The following GREB1 variants were observed in gnomAD, a reference collection of about 807,000 sequenced individuals.
The protein encoded by GREB1 is growth regulating estrogen receptor binding 1.
GREB1 carries 106 observed loss-of-function variants against 200.7 expected under a neutral mutation model. The observed-to-expected ratio is 0.53, with a 90% CI of 0.45 to 0.62. The LOEUF is 0.62. Among genes scored for constraint, GREB1 ranks in the 20% least tolerant of loss-of-function variants. The probability of loss-of-function intolerance (pLI) is 0.00; values close to 1 mark genes in which losing one functional copy is unlikely to be tolerated. For missense variants in GREB1, 2,243 were observed against 2,556.8 expected (o/e 0.88, Z 2.65); for synonymous variants, 1,132 against 1,092.4 (o/e 1.04, Z -0.72).
At chr2:11,566,194 T>A (rs1470603891) in intron 3 of GREB1, among the ~76,000 whole-genome samples, 4 of 152,102 alleles carry the variant, frequency 2.6e-5, no homozygotes, top group Admixed American at 2.0e-4. Context: ...AATTTTTGTA[T>A]TTTTAGTAGA....
intron 30 of GREB1, 44 bp from the exon 31 acceptor site, chr2:11,637,672 G>T: frequency 6.3e-7 from 1 of 1,588,250 alleles, no homozygotes; most frequent in Non-Finnish European, 8.6e-7. Context: ...GAAGGTCCTC[G>T]CCCCTCAGGG....
At chr2:11,588,669 C>G (rs13424731) in intron 9 of GREB1, 77 bp from the exon 10 acceptor site, 1 of 1,327,056 alleles carries the variant, frequency 7.5e-7, no homozygotes, top group Non-Finnish European at 1.1e-6. Context: ...AGTGCCCTCA[C>G]CCCCAGAGAA....
chr2:11,575,925 A>G (rs2148031556), intron 4 of GREB1, among the ~76,000 whole-genome samples: 1 of 152,316 alleles, frequency 6.6e-6, no homozygotes, highest in Middle Eastern at 3.4e-3. Flanking sequence ...AAATCTTCCA[A>G]GTTTGCCCAG....
chr2:11,640,161 C>G lies in GREB1; in HGVS notation c.5687-130C>G. ...CATCATCCCGAAAGAAGCAAGGGGC[C>G]GACTTGGATGCCGCTTCTGCCCTTC... On this transcript the variant is annotated intron_variant, in intron 32 of 32. Transcript: ENST00000381486. The surrounding 1 kb of genome is among the most constrained non-coding windows in gnomAD (Gnocchi z 4.6). The G allele has an allele frequency of 1.3e-6, 1 of 774,292 alleles. No individual in the cohort carries two copies. Among genetic ancestry groups the G allele is most frequent in the South Asian group, 1.9e-5 (1 of 52,716 alleles). 48.0% of individuals were successfully genotyped at this position (774,292 alleles called of 1,614,324 possible). A position where few individuals can be genotyped will look rare whatever the true frequency, so the allele number is the denominator to read the frequency against.
Position 11,610,689 on chromosome 2 carries a change from T to A in GREB1, c.2668T>A (p.Phe890Ile). The change falls in exon 18 of 33, where the codon TTC becomes ATC. Residue 890 changes from phenylalanine (F) to isoleucine (I), a missense_variant and splice_region_variant. Physicochemically the swap from Phe to Ile is conservative, Grantham distance 21. Transcript: ENST00000381486. ...ATGGTCTCTCTGTGTTCCTTGCAGGTTCCCCCGCCTGCACAGCGCGGTGAT... is the reference window on the plus strand; with the variant it reads ...ATGGTCTCTCTGTGTTCCTTGCAGGATCCCCCGCCTGCACAGCGCGGTGAT... Reference protein sequence around the residue: ...EAMVTALGKRFPRLHSAVIRT... With the variant: ...EAMVTALGKRIPRLHSAVIRT... The A allele has an allele frequency of 6.2e-7, 1 of 1,606,728 alleles. No homozygotes were observed. The highest frequency in any genetic ancestry group is 8.5e-7 in the Non-Finnish European group (1 of 1,175,922).
rs1205524139 is a variant in GREB1 at position 11,630,061 on chromosome 2, A to C, written c.4563A>C (p.Gln1521His). The change falls in exon 26 of 33, where the codon CAA becomes CAC. Residue 1521 changes from glutamine to histidine, a missense_variant. Gln to His is a conservative substitution (Grantham distance 24). This residue lies in a region of GREB1 where 478 missense variants were observed against 616.3 expected (regional missense o/e 0.78). Coordinates refer to ENST00000381486, the MANE Select transcript of GREB1 (RefSeq NM_014668.4). ...KSKEHHFVFS[Q>H]PGGQLESMRL... is the part of the protein sequence containing the mutation. ...AGGAGCACCACTTTGTCTTCAGCCA[A>C]CCTGGAGGCCAGCTGGAGAGCATGC... 6.2e-7 allele frequency: 1 copy of C among 1,614,176 alleles called. No homozygotes were observed. The highest frequency in any genetic ancestry group is 1.7e-5 in the Admixed American group (1 of 60,026).
At chr2:11,585,451 T>G (rs548861611) in intron 8 of GREB1, among the ~76,000 whole-genome samples, 177 bp downstream of exon 8, 53 of 152,266 alleles carry the variant, frequency 3.5e-4, no homozygotes, top group Non-Finnish European at 6.5e-4. Context: ...TTCTCACATG[T>G]TAAAATTGCT....
intron 30 of GREB1, among the ~76,000 whole-genome samples, chr2:11,636,034 A>G (rs535203802): frequency 2.6e-5 from 4 of 152,160 alleles, no homozygotes; most frequent in African/African-American, 4.8e-5. Context: ...CCCAGGCTCT[A>G]TCCCTCCTTG....
intron 1 of GREB1, among the ~76,000 whole-genome samples, chr2:11,543,245 G>A (rs544025240): frequency 1.4e-4 from 22 of 152,296 alleles, no homozygotes; most frequent in East Asian, 5.8e-4. Flanking sequence ...GAAGCCAGAA[G>A]TTTAATTAAT....
Position 11,602,906 on chromosome 2 carries a change from C to T in GREB1, c.2666+364C>T, listed in dbSNP as rs190001294. On this transcript the variant is annotated intron_variant, in intron 17 of 32. Transcript: ENST00000381486. The stretch of plus-strand genomic sequence containing the variant: ...CTTTGTTTTTATTTCCGATGCATAT[C>T]ATGTATTGAATGTTTATTTTGTGCC... 2.6e-5 allele frequency among the ~76,000 whole-genome samples: 4 copies of T among 152,314 alleles called. No individual in the cohort carries two copies. The East Asian group carries it at 5.8e-4, about 22-fold the overall frequency.
At chr2:11,585,439 C>A (rs1039685078) in intron 8 of GREB1, among the ~76,000 whole-genome samples, 165 bp downstream of exon 8, 1 of 152,268 alleles carries the variant, frequency 6.6e-6, no homozygotes, top group East Asian at 1.9e-4. Flanking sequence ...CAAAAGACCT[C>A]TTTCTCACAT....
At chr2:11,611,326 C>T (rs984468915) in intron 18 of GREB1, among the ~76,000 whole-genome samples, 3 of 152,080 alleles carry the variant, frequency 2.0e-5, no homozygotes, top group South Asian at 2.1e-4. Context: ...TTTATTTTCC[C>T]CTTTGAGACA....
chr2:11,639,239 G>A (rs558694457), intron 32 of GREB1, among the ~76,000 whole-genome samples: 64 of 152,198 alleles, frequency 4.2e-4, no homozygotes, highest in African/African-American at 8.9e-4. Context: ...ACAGGTGCCC[G>A]CCACCACACC....
Position 11,562,558 on chromosome 2 carries a change from C to T in GREB1, c.253C>T (p.Pro85Ser). 1 of 1,599,420 alleles carries T rather than the reference C, an allele frequency of 6.3e-7. No homozygotes were observed. Among genetic ancestry groups the T allele is most frequent in the African/African-American group, 1.4e-5 (1 of 73,684 alleles). ...PPNPFQLHPL[P>S]EGCCTTDGFC... ...AAACCCTTTCCAGCTGCACCCTCTG[C>T]CTGAAGGATGCTGTACCACAGACGG... The change falls in exon 3 of 33, where the codon CCT (proline) becomes TCT (serine). Residue 85 changes from proline to serine, a missense_variant. By Grantham distance (74) the Pro-to-Ser change is moderately conservative. Coordinates refer to ENST00000381486, the MANE Select transcript of GREB1 (RefSeq NM_014668.4).
intron 1 of GREB1, among the ~76,000 whole-genome samples, chr2:11,554,750 C>T (rs1676268111): frequency 6.6e-6 from 1 of 152,198 alleles, no homozygotes; most frequent in South Asian, 2.1e-4. Flanking sequence ...CCTTTCATCC[C>T]TTGTAGAGTT....
At chr2:11,528,228 T>C in intron 1 of GREB1, among the ~76,000 whole-genome samples, 1 of 152,272 alleles carries the variant, frequency 6.6e-6, no homozygotes. Flanking sequence ...AGAAGAATGA[T>C]GACTTTTCTA....
intron 28 of GREB1, 38 bp from the exon 29 acceptor site, chr2:11,634,093 G>GT (rs1558669512): frequency 1.9e-6 from 3 of 1,588,470 alleles, no homozygotes; most frequent in Admixed American, 1.7e-5. Flanking sequence ...TGCTGCTCGT[G>GT]TGTCAGCCTA....
At position 11,593,121 on chromosome 2, in the gene GREB1, T is replaced by A; in HGVS notation, c.1691T>A (p.Val564Asp). The part of the protein sequence containing the change: ...RSAAIDSCIA[V>D]TGKYQARILS... ...GCGGCCATCGACTCCTGCATCGCCGTCACCGGTGAGCTCTGGGCCGCGCGG... is the reference window on the plus strand; with the variant it reads ...GCGGCCATCGACTCCTGCATCGCCGACACCGGTGAGCTCTGGGCCGCGCGG... Residue 564 changes from valine (V) to aspartate (D), a missense_variant, in exon 11 of 33, where the codon GTC becomes GAC. Val to Asp is a radical substitution (Grantham distance 152). Transcript: ENST00000381486. The A allele has an allele frequency of 6.3e-7, 1 of 1,598,764 alleles. No homozygotes were observed. The highest frequency in any genetic ancestry group is 8.5e-7 in the Non-Finnish European group (1 of 1,170,600).
chr2:11,593,678 A>G (rs923843938), intron 11 of GREB1, among the ~76,000 whole-genome samples: 3 of 152,186 alleles, frequency 2.0e-5, no homozygotes, highest in African/African-American at 7.2e-5. Context: ...CATGTCACCC[A>G]GGCTGGTCTC....
Sources: gnomAD v4.1 joint callset for allele counts (sites outside exome capture counted in the v4.1 genomes callset) on GRCh38, gnomAD v4.1.1 for gene constraint, gnomAD v4.1.1 regional missense constraint, Gnocchi (gnomAD v3.1) non-coding constraint, MANE v1.5 for transcripts, NCBI Gene and HGNC (gene_info 2026-07-23, HGNC 2026-07-21) for gene names.